The following ZNF532 variants were observed in gnomAD, a reference collection of about 807,000 sequenced individuals.
ZNF532 encodes zinc finger protein 532.
ZNF532 carries 22 observed loss-of-function variants against 89.3 expected under a neutral mutation model. The ratio of observed to expected loss-of-function variants is 0.25; its 90% confidence interval spans 0.18 to 0.35. The LOEUF (loss-of-function observed/expected upper bound fraction) is 0.35. Among genes scored for constraint, ZNF532 ranks in the 10% least tolerant of loss-of-function variants. ZNF532 has a pLI of 1.00. For synonymous variants in ZNF532, 606 were observed against 649.6 expected (o/e 0.93, Z 1.02); for missense variants, 1,132 against 1,643.4 (o/e 0.69, Z 5.38).
chr18:58,880,784 G>GTGTGTGTGTGTGTGTGTGTA (rs1160344942), intron 2 of ZNF532, among the ~76,000 whole-genome samples: 2 of 151,830 alleles, frequency 1.3e-5, no homozygotes, highest in Non-Finnish European at 2.9e-5. Context: ...CTGTGTGTGT[G>GTGTGTGTGTGTGTGTGTGTA]TGTGTATGTT....
chr18:58,972,209 A>G (rs1484739307), intron 7 of ZNF532, among the ~76,000 whole-genome samples: 1 of 152,222 alleles, frequency 6.6e-6, no homozygotes, highest in Non-Finnish European at 1.5e-5. Context: ...AAAAATACAA[A>G]CAAGAAAACA....
chr18:58,917,387 G>A, intron 2 of ZNF532, among the ~76,000 whole-genome samples: 1 of 152,232 alleles, frequency 6.6e-6, no homozygotes. Flanking sequence ...AGTACACACA[G>A]ACTGGAGTAG....
chr18:58,883,332 G>C (rs17694721), intron 2 of ZNF532, among the ~76,000 whole-genome samples: 1 of 152,028 alleles, frequency 6.6e-6, no homozygotes, highest in Non-Finnish European at 1.5e-5. Context: ...CTGTGTTTCA[G>C]AATTCCAAAA....
chr18:58,926,813 C>CG (rs2061564666), intron 3 of ZNF532, among the ~76,000 whole-genome samples: 1 of 151,712 alleles, frequency 6.6e-6, no homozygotes, highest in Non-Finnish European at 1.5e-5. Context: ...GGTTTCAGGG[C>CG]TTTTTTTTGG....
Position 58,920,081 on chromosome 18 carries a change from C to T in ZNF532, c.1794C>T (p.Ile598=), listed in dbSNP as rs2060914985. The T allele has an allele frequency of 6.2e-7, 1 of 1,613,860 alleles. No individual in the cohort carries two copies. The highest frequency in any genetic ancestry group is 8.5e-7 in the Non-Finnish European group (1 of 1,179,882). Residue 598 remains isoleucine (I), a synonymous_variant, in exon 3 of 10, where the codon ATC becomes ATT. Transcript: ENST00000591808. ...LSSVNPVPVY[I]PNLSPPANAG... is the part of the protein sequence containing the mutation. ...GTGTCAATCCAGTCCCTGTTTACAT[C>T]CCAAACCTCAGTCCTCCCGCCAATG...
chr18:58,979,333 TTAAA>T, intron 8 of ZNF532, 166 bp downstream of exon 8: 1 of 431,702 alleles, frequency 2.3e-6, no homozygotes, highest in Non-Finnish European at 4.1e-6. Flanking sequence ...GTTGTCACAC[TTAAA>T]TATGAAAATA....
rs1205501928 is a variant in ZNF532 at position 58,947,921 on chromosome 18, T to C, written c.2706-146T>C. ...GTAATGCCAGTTGTCTTCAAAAGTT[T>C]GTTTCAGAGCTAATCGTTGTTCTAT... On this transcript the variant is annotated intron_variant, in intron 5 of 9. Transcript: ENST00000591808. 3 of 664,848 alleles carry C rather than the reference T, an allele frequency of 4.5e-6. No individual in the cohort carries two copies. The African/African-American group carries it at 5.6e-5, about 13-fold the overall frequency. 41.2% of individuals were successfully genotyped at this position (664,848 alleles called of 1,614,324 possible).
chr18:58,932,849 C>CATGTACGTGTGTATGTATATATGT (rs2062071022), intron 3 of ZNF532, among the ~76,000 whole-genome samples: 1 of 151,948 alleles, frequency 6.6e-6, no homozygotes, highest in Non-Finnish European at 1.5e-5. Context: ...CACACACATG[C>CATGTACGTGTGTATGTATATATGT]ATGTACGTGT....
At chr18:58,868,078 CA>C (rs775606374) in intron 2 of ZNF532, among the ~76,000 whole-genome samples, 1 of 152,312 alleles carries the variant, frequency 6.6e-6, no homozygotes, top group South Asian at 2.1e-4. Context: ...CCGTGCAATA[CA>C]GTCGCTCTCC....
intron 5 of ZNF532, among the ~76,000 whole-genome samples, chr18:58,941,628 C>T (rs747519155): frequency 9.1e-4 from 138 of 151,882 alleles, no homozygotes; most frequent in Non-Finnish European, 1.5e-3. Context: ...ACCACCACGC[C>T]TGGCTGATTT....
intron 4 of ZNF532, among the ~76,000 whole-genome samples, chr18:58,934,892 G>A (rs1320531782): frequency 6.6e-6 from 1 of 152,056 alleles, no homozygotes; most frequent in Non-Finnish European, 1.5e-5. Flanking sequence ...AGCTTTGACT[G>A]TACCCTTTGT....
intron 3 of ZNF532, among the ~76,000 whole-genome samples, chr18:58,923,700 G>T (rs2061310722): frequency 6.6e-6 from 1 of 152,126 alleles, no homozygotes; most frequent in Non-Finnish European, 1.5e-5. Flanking sequence ...TTTACAGTTT[G>T]TTCAACTGGA....
intron 7 of ZNF532, chr18:58,954,317 T>C (rs913356971): frequency 1.0e-6 from 1 of 957,966 alleles, no homozygotes; most frequent in African/African-American, 1.8e-5. Context: ...CATATGTATA[T>C]CCTTTCTCTT....
intron 2 of ZNF532, among the ~76,000 whole-genome samples, chr18:58,875,864 C>T (rs562186353): frequency 8.6e-5 from 13 of 151,558 alleles, no homozygotes; most frequent in African/African-American, 2.9e-4. Context: ...TTCCGTACCT[C>T]TCGGGAGCCC....
chr18:58,920,684 A>T (rs376502648), intron 3 of ZNF532, 51 bp downstream of exon 3: 4 of 1,478,808 alleles, frequency 2.7e-6, no homozygotes, highest in Non-Finnish European at 3.6e-6. Flanking sequence ...TGTAGGCATG[A>T]GTGCTTGATA....
At chr18:58,959,125 C>T (rs1238872372) in intron 7 of ZNF532, among the ~76,000 whole-genome samples, 1 of 152,202 alleles carries the variant, frequency 6.6e-6, no homozygotes, top group Non-Finnish European at 1.5e-5. Context: ...CTCTCATTTG[C>T]TGCCTGGTTC....
intron 2 of ZNF532, among the ~76,000 whole-genome samples, chr18:58,891,306 G>A (rs2058886264): frequency 6.6e-6 from 1 of 152,164 alleles, no homozygotes; most frequent in Admixed American, 6.5e-5. Context: ...GAGGTGGGTA[G>A]ATCACTTGAG....
Position 58,984,880 on chromosome 18 carries a change from C to T in ZNF532, c.*414C>T. ...TAACTAATTACAGGCTAAAATAATG[C>T]CTTTTTTAGTGTTTTTAATTTTTAG... On this transcript the variant is annotated 3_prime_UTR_variant, in exon 10 of 10. Coordinates refer to ENST00000591808, the MANE Select transcript of ZNF532 (RefSeq NM_001375912.1). The T allele has an allele frequency of 6.2e-6, 1 of 160,024 alleles. No individual in the cohort carries two copies. The allele number at this position is 160,024 out of a possible 1,614,324, so 9.9% of individuals were successfully genotyped here.
chr18:58,934,339 G>T, intron 3 of ZNF532, 94 bp from the exon 4 acceptor site: 1 of 1,144,714 alleles, frequency 8.7e-7, no homozygotes, highest in East Asian at 2.4e-5. Context: ...TTGAAATGAA[G>T]GATGTATAAT....
Sources: allele counts gnomAD v4.1 joint callset (sites outside exome capture counted in the v4.1 genomes callset), GRCh38; gene constraint gnomAD v4.1.1; transcripts MANE v1.5; gene names NCBI Gene and HGNC (gene_info 2026-07-23, HGNC 2026-07-21).